The following UBE2F variants were observed in gnomAD, a reference collection of about 807,000 sequenced individuals.
UBE2F encodes NEDD8-conjugating enzyme UBE2F.
Under a neutral mutation model 29.6 loss-of-function variants are expected in UBE2F, and 5 were observed. The observed-to-expected ratio is 0.17, with a 90% CI of 0.09 to 0.36. The LOEUF is 0.36. Among genes scored for constraint, UBE2F ranks in the 10% least tolerant of loss-of-function variants. The pLI is 1.00. For missense variants in UBE2F, 141 were observed against 228.5 expected (o/e 0.62, Z 2.47); for synonymous variants, 66 against 81.8 (o/e 0.81, Z 1.04).
In UBE2F at chr2:238,017,488, G is replaced by A. The variant is rs147805131; in HGVS notation, c.282+855G>A. Among the ~76,000 whole-genome samples the A allele has an allele frequency of 1.8e-3, 280 of 152,242 alleles. 2 individuals carry two copies. The highest frequency in any genetic ancestry group is 6.4e-3 in the African/African-American group (264 of 41,562). On this transcript the variant is annotated intron_variant, in intron 5 of 9. Coordinates refer to ENST00000272930, the MANE Select transcript of UBE2F (RefSeq NM_080678.3). ...GTTGGGGAAGAATAGAGGAAAAAAT[G>A]GGAAAACTCAGATGTGGGGGTTTGG...
chr2:238,024,599 CT>C (rs1402091593), intron 5 of UBE2F, among the ~76,000 whole-genome samples: 2 of 152,148 alleles, frequency 1.3e-5, no homozygotes, highest in Non-Finnish European at 2.9e-5. Context: ...CCACCTCGAC[CT>C]CCCAAAGTGC....
At chr2:237,985,014 A>G (rs2063452894) in intron 2 of UBE2F, among the ~76,000 whole-genome samples, 1 of 136,528 alleles carries the variant, frequency 7.3e-6, no homozygotes, top group African/African-American at 2.6e-5. Context: ...AAAAAAAAAA[A>G]TAGAGATGGT....
chr2:237,994,931 TTTCATATGAAGATAAGATATATAC>T, intron 4 of UBE2F, 122 bp downstream of exon 4: 1 of 718,890 alleles, frequency 1.4e-6, no homozygotes, highest in Non-Finnish European at 2.4e-6. Flanking sequence ...TTAATAACAA[TTTCATATGAAGATAAGATATATAC>T]TTCATAGTGA....
At chr2:238,030,022 T>C (rs1214912283) in intron 6 of UBE2F, among the ~76,000 whole-genome samples, 1 of 151,908 alleles carries the variant, frequency 6.6e-6, no homozygotes, top group African/African-American at 2.4e-5. Context: ...CACAGCTCAC[T>C]GCAGCCTTGA....
Position 238,036,088 on chromosome 2 carries a change from G to T in UBE2F, c.507+148G>T, listed in dbSNP as rs1387906110. 5.8e-6 allele frequency: 4 copies of T among 691,138 alleles called. No homozygotes were observed. The African/African-American group carries it at 7.2e-5, about 12-fold the overall frequency. The allele number at this position is 691,138 out of a possible 1,614,324, so 42.8% of individuals were successfully genotyped here. A position where few individuals can be genotyped will look rare whatever the true frequency, so the allele number is the denominator to read the frequency against. On this transcript the variant is annotated intron_variant, in intron 9 of 9. Transcript: ENST00000272930. ...TTCAAAGCAATTTGTAAACAATATG[G>T]TATAGTAAATGTGTGTAACCTCAGG... is the stretch of plus-strand genomic sequence containing the variant.
intron 2 of UBE2F, among the ~76,000 whole-genome samples, chr2:237,984,787 T>C (rs529657621): frequency 6.6e-5 from 10 of 152,172 alleles, no homozygotes; most frequent in Admixed American, 1.3e-4. Flanking sequence ...TTTGTTTTGT[T>C]TTGTTTTTTT....
At chr2:238,013,264 A>T (rs1350527064) in intron 4 of UBE2F, among the ~76,000 whole-genome samples, 1 of 152,222 alleles carries the variant, frequency 6.6e-6, no homozygotes, top group Non-Finnish European at 1.5e-5. Flanking sequence ...TCTCAAAAAT[A>T]AATAAATAAT....
intron 4 of UBE2F, among the ~76,000 whole-genome samples, chr2:238,010,199 A>C (rs1228973383): frequency 3.3e-5 from 5 of 151,612 alleles, no homozygotes; most frequent in Admixed American, 6.6e-5. Context: ...TTCGATACAG[A>C]GTCTTGCTTT....
At chr2:237,973,013 G>A (rs1026375206) in intron 1 of UBE2F, 79 bp from the exon 2 acceptor site, 5 of 1,440,538 alleles carry the variant, frequency 3.5e-6, no homozygotes, top group African/African-American at 2.8e-5. Context: ...AAATACAAAA[G>A]CACTTATACA....
intron 5 of UBE2F, among the ~76,000 whole-genome samples, chr2:238,018,897 G>C (rs1389298530): frequency 6.6e-6 from 1 of 152,134 alleles, no homozygotes; most frequent in Non-Finnish European, 1.5e-5. Context: ...TGTCCCATTT[G>C]TGACTTCAAG....
chr2:238,003,760 T>C (rs1251010175), intron 4 of UBE2F, among the ~76,000 whole-genome samples: 1 of 152,208 alleles, frequency 6.6e-6, no homozygotes, highest in Non-Finnish European at 1.5e-5. Context: ...AAGAATCATG[T>C]TTAGTGGGCT....
intron 4 of UBE2F, among the ~76,000 whole-genome samples, chr2:237,995,650 G>A (rs1033928001): frequency 3.9e-5 from 6 of 152,206 alleles, no homozygotes; most frequent in African/African-American, 1.2e-4. Context: ...TTGGTAGGTG[G>A]CAATGAACCC....
intron 4 of UBE2F, chr2:238,003,380 G>T (rs1173192920): frequency 2.1e-6 from 1 of 470,996 alleles, no homozygotes; most frequent in Admixed American, 2.3e-5. Context: ...TTTGGCTGGT[G>T]TGATGCTTCT....
At chr2:237,970,966 G>A (rs904293616) in intron 1 of UBE2F, among the ~76,000 whole-genome samples, 19 of 152,216 alleles carry the variant, frequency 1.2e-4, no homozygotes, top group Non-Finnish European at 2.9e-5. Context: ...ACCTGCCTCG[G>A]CCTACCGAAG....
At chr2:238,001,396 G>A (rs1347058568) in intron 4 of UBE2F, among the ~76,000 whole-genome samples, 1 of 152,134 alleles carries the variant, frequency 6.6e-6, no homozygotes, top group African/African-American at 2.4e-5. Context: ...TATCAGATAT[G>A]TGGTGTTTTT....
intron 5 of UBE2F, among the ~76,000 whole-genome samples, chr2:238,022,957 A>G (rs1005635572): frequency 1.3e-5 from 2 of 152,178 alleles, no homozygotes; most frequent in African/African-American, 4.8e-5. Flanking sequence ...TGACAAAAGG[A>G]GGTATCTGTG....
At chr2:238,025,820 G>A (rs112975428) in intron 6 of UBE2F, among the ~76,000 whole-genome samples, 8 of 152,278 alleles carry the variant, frequency 5.3e-5, no homozygotes, top group African/African-American at 1.4e-4. Flanking sequence ...GGCTTGAGAC[G>A]ACCTTGGGCA....
chr2:238,023,913 A>G (rs758159003), intron 5 of UBE2F, among the ~76,000 whole-genome samples: 18 of 152,168 alleles, frequency 1.2e-4, no homozygotes, highest in Non-Finnish European at 2.4e-4. Context: ...TCCTGAGGAA[A>G]CATTTCACCC....
chr2:237,970,348 C>G (rs1360627541), intron 1 of UBE2F, among the ~76,000 whole-genome samples: 1 of 152,192 alleles, frequency 6.6e-6, no homozygotes, highest in Non-Finnish European at 1.5e-5. Context: ...GCACTCCAGC[C>G]TGGGCTACAG....
Sources: gnomAD v4.1 joint callset for allele counts (sites outside exome capture counted in the v4.1 genomes callset) on GRCh38, gnomAD v4.1.1 for gene constraint, MANE v1.5 for transcripts, NCBI Gene and HGNC (gene_info 2026-07-23, HGNC 2026-07-21) for gene names.